SYNE2: variants seen among roughly 807,000 people sequenced by gnomAD.
SYNE2 encodes the protein nesprin-2.
SYNE2 carries 431 observed loss-of-function variants against 856.3 expected under a neutral mutation model. That is an observed-to-expected ratio of 0.50 (90% CI 0.47 to 0.55). The LOEUF (loss-of-function observed/expected upper bound fraction) is 0.55, where lower values mean the gene tolerates loss of function less well. Ranked by LOEUF, SYNE2 falls within the 20% of genes least tolerant of loss-of-function variation. SYNE2 has a pLI of 0.00. For synonymous variants in SYNE2, 2,923 were observed against 2,872.3 expected (o/e 1.02, Z -0.56); for missense variants, 8,129 against 8,023.2 (o/e 1.01, Z -0.50).
chr14:63,924,531 C>G (rs1305047643), intron 2 of SYNE2, among the ~76,000 whole-genome samples: 1 of 152,120 alleles, frequency 6.6e-6, no homozygotes, highest in Non-Finnish European at 1.5e-5. Context: ...CTTTAAATTT[C>G]TTTCAACAAT....
chr14:63,901,872 C>G (rs2095341665), intron 1 of SYNE2, among the ~76,000 whole-genome samples: 1 of 152,118 alleles, frequency 6.6e-6, no homozygotes, highest in Non-Finnish European at 1.5e-5. Context: ...TTTCAGTGAG[C>G]CATGATAGCA....
chr14:64,087,619 A>G lies in SYNE2; in HGVS notation c.11485-52A>G, dbSNP rs373348173. The G allele has an allele frequency of 1.9e-6, 3 of 1,560,750 alleles. No homozygotes were observed. The East Asian group carries it at 6.7e-5, about 35-fold the overall frequency. Reference sequence around the variant, plus strand: ...CTCTGATTTAAATATTAATCAGCTTATATCAGGATCTTGATGTTTCTCTCT... The same window carrying G: ...CTCTGATTTAAATATTAATCAGCTTGTATCAGGATCTTGATGTTTCTCTCT... On this transcript the variant is annotated intron_variant, in intron 57 of 115. Transcript: ENST00000555002.
At chr14:64,090,706 G>A (rs923608673) in intron 59 of SYNE2, among the ~76,000 whole-genome samples, 160 bp from the exon 60 acceptor site, 4 of 152,094 alleles carry the variant, frequency 2.6e-5, no homozygotes, top group Admixed American at 1.3e-4. Context: ...TTCAACTCCC[G>A]GATCATGAGT....
chr14:64,121,908 T>C, intron 68 of SYNE2, 104 bp from the exon 69 acceptor site: 1 of 1,465,816 alleles, frequency 6.8e-7, no homozygotes. Context: ...TAATTAATGA[T>C]TTAGGAACTG....
intron 52 of SYNE2, among the ~76,000 whole-genome samples, chr14:64,073,684 G>T (rs1014578359): frequency 3.9e-5 from 6 of 152,190 alleles, no homozygotes; most frequent in African/African-American, 1.4e-4. Flanking sequence ...CAAGGATTAC[G>T]TGGAGAAAAA....
chr14:64,223,231 A>T lies in SYNE2; in HGVS notation c.20233A>T (p.Met6745Leu). Residue 6745 changes from methionine to leucine, a missense_variant, in exon 113 of 116, where the codon ATG (methionine) becomes TTG (leucine). By Grantham distance (15) the Met-to-Leu change is conservative. Transcript: ENST00000555002. Reference sequence around the variant, plus strand: ...GGTAGAACGTCAACCTCAAGTGGACATGTTACAGGAGATTTCAAACAGCCT... The same window carrying T: ...GGTAGAACGTCAACCTCAAGTGGACTTGTTACAGGAGATTTCAAACAGCCT... ...ELVERQPQVD[M>L]LQEISNSLLI... The T allele has an allele frequency of 1.2e-6, 2 of 1,614,142 alleles. No homozygotes were observed. The highest frequency in any genetic ancestry group is 2.2e-5 in the South Asian group (2 of 91,068).
chr14:64,181,740 AAAAAGAT>A (rs1299160087), intron 96 of SYNE2, among the ~76,000 whole-genome samples: 15 of 152,326 alleles, frequency 9.8e-5, no homozygotes, highest in African/African-American at 2.6e-4. Context: ...CTGCAAAAAG[AAAAAGAT>A]AAAAGATAAA....
At chr14:64,101,864 G>A in intron 63 of SYNE2, 68 bp from the exon 64 acceptor site, 1 of 1,176,442 alleles carries the variant, frequency 8.5e-7, no homozygotes, top group Non-Finnish European at 1.3e-6. Flanking sequence ...AGACGTGAGT[G>A]AGTAGGGCAC....
At chr14:64,220,314 C>T (rs2140375929) in intron 110 of SYNE2, 123 bp from the exon 111 acceptor site, 2 of 1,101,104 alleles carry the variant, frequency 1.8e-6, no homozygotes, top group Non-Finnish European at 2.7e-6. Flanking sequence ...GGCGAGGTCA[C>T]TCTCATTTCT....
In SYNE2 at chr14:64,225,458, C is replaced by T; in HGVS notation, c.20656C>T (p.Gln6886Ter). 6.2e-7 allele frequency: 1 copy of T among 1,614,226 alleles called. No homozygotes were observed. The highest frequency in any genetic ancestry group is 8.5e-7 in the Non-Finnish European group (1 of 1,180,036). Residue 6886 changes from glutamine to a stop codon, truncating the protein, a stop_gained, in exon 116 of 116, where the codon CAG becomes TAG. Transcript: ENST00000555002. LOFTEE classifies it high-confidence loss of function. ...CTCCGAAGAAGACTACAGCTGCACT[C>T]AGGCCAACAACTTTGCCCGGTCCTT... ...PSSEEDYSCTQANNFARSFYP... is the reference protein window; with the variant it reads ...PSSEEDYSCT
At chr14:63,825,005 CAGG>C (rs1239539351) in intron 1 of SYNE2, among the ~76,000 whole-genome samples, 2 of 151,654 alleles carry the variant, frequency 1.3e-5, no homozygotes, top group Non-Finnish European at 2.9e-5. Flanking sequence ...GAGGCTGAGG[CAGG>C]AGAATTGCTT....
chr14:64,189,486 CTG>C (rs1401517033), intron 98 of SYNE2, among the ~76,000 whole-genome samples: 2 of 152,230 alleles, frequency 1.3e-5, no homozygotes, highest in South Asian at 2.1e-4. Flanking sequence ...CTCTGGAAAA[CTG>C]TAACTGATAG....
chr14:64,007,262 G>A, intron 31 of SYNE2, 40 bp downstream of exon 31: 1 of 1,591,086 alleles, frequency 6.3e-7, no homozygotes, highest in African/African-American at 1.3e-5. Flanking sequence ...CTGAAAAATT[G>A]TCTGTAGCAC....
intron 95 of SYNE2, among the ~76,000 whole-genome samples, chr14:64,175,490 G>A (rs1402324262): frequency 6.6e-6 from 1 of 152,166 alleles, no homozygotes; most frequent in East Asian, 1.9e-4. Context: ...CCATATAAGT[G>A]AATTTTCCAA....
chr14:64,162,145 T>G lies in SYNE2; in HGVS notation c.16168T>G (p.Tyr5390Asp). 1 of 1,614,202 alleles carries G rather than the reference T, an allele frequency of 6.2e-7. No homozygotes were observed. Among genetic ancestry groups the G allele is most frequent in the Non-Finnish European group, 8.5e-7 (1 of 1,180,036 alleles). Residue 5390 changes from tyrosine to aspartate, a missense_variant, in exon 88 of 116, where the codon TAT (tyrosine) becomes GAT (aspartate). By Grantham distance (160) the Tyr-to-Asp change is radical. Transcript: ENST00000555002. ...AQSLLQLWKA[Y>D]SNAHGEAAAR... ...GAGTCTGCTCCAGCTCTGGAAGGCC[T>G]ATAGCAATGCTCATGGTGAAGCTGC...
chr14:64,175,729 T>C (rs1426213055), intron 95 of SYNE2, among the ~76,000 whole-genome samples: 1 of 152,192 alleles, frequency 6.6e-6, no homozygotes, highest in Non-Finnish European at 1.5e-5. Context: ...ACTTTGTCTT[T>C]CTCCAAGCTC....
intron 7 of SYNE2, among the ~76,000 whole-genome samples, chr14:63,952,660 AT>A (rs907965545): frequency 3.9e-5 from 6 of 152,140 alleles, no homozygotes; most frequent in African/African-American, 1.4e-4. Context: ...ATGCATAAGA[AT>A]TTTTTTTAAA....
chr14:64,110,813 T>C (rs1370334517), intron 65 of SYNE2, among the ~76,000 whole-genome samples: 2 of 152,100 alleles, frequency 1.3e-5, no homozygotes, highest in African/African-American at 4.8e-5. Context: ...GTGGGCTGAT[T>C]GAACATTCTG....
intron 108 of SYNE2, 105 bp downstream of exon 108, chr14:64,216,492 C>T (rs2098667201): frequency 7.7e-7 from 1 of 1,302,216 alleles, no homozygotes; most frequent in Non-Finnish European, 1.1e-6. Context: ...ATTCCCCAGG[C>T]ATATTTTGAG....
Sources: allele counts gnomAD v4.1 joint callset (sites outside exome capture counted in the v4.1 genomes callset), GRCh38; gene constraint gnomAD v4.1.1; transcripts MANE v1.5; gene names NCBI Gene and HGNC (gene_info 2026-07-23, HGNC 2026-07-21).